HMOX2: variants seen among roughly 807,000 people sequenced by gnomAD.
HMOX2 encodes heme oxygenase (decycling) 2.
Under a neutral mutation model 33.7 loss-of-function variants are expected in HMOX2, and 30 were observed. That is an observed-to-expected ratio of 0.89 (90% CI 0.67 to 1.21). The LOEUF (loss-of-function observed/expected upper bound fraction) is 1.21. HMOX2 is among the 50% of genes most tolerant of loss of function. The probability of loss-of-function intolerance (pLI) is 0.00; values close to 1 mark genes in which losing one functional copy is unlikely to be tolerated. For synonymous variants in HMOX2, 155 were observed against 155.0 expected (o/e 1.00, Z 0.00); for missense variants, 403 against 399.1 (o/e 1.01, Z -0.08).
intron 1 of HMOX2, among the ~76,000 whole-genome samples, chr16:4,492,311 G>A (rs2058324490): frequency 6.6e-6 from 1 of 151,110 alleles, no homozygotes; most frequent in African/African-American, 2.4e-5. Context: ...TCCAGACACA[G>A]TAAAACCCTG....
chr16:4,508,290 C>A, intron 4 of HMOX2, 86 bp downstream of exon 4: 1 of 1,428,568 alleles, frequency 7.0e-7, no homozygotes, highest in Non-Finnish European at 9.6e-7. Context: ...TGAAGGCACA[C>A]ATGGCATTAG....
At chr16:4,498,061 CTTT>C (rs35332500) in intron 1 of HMOX2, among the ~76,000 whole-genome samples, 15 of 104,398 alleles carry the variant, frequency 1.4e-4, no homozygotes, top group African/African-American at 3.4e-4. Flanking sequence ...GATTCATTGT[CTTT>C]TTTTTTTTTT....
chr16:4,480,126 C>A (rs2057980651), intron 1 of HMOX2, among the ~76,000 whole-genome samples: 1 of 151,978 alleles, frequency 6.6e-6, no homozygotes, highest in Non-Finnish European at 1.5e-5. Flanking sequence ...GAGCTCACTG[C>A]AATCTCTGCC....
intron 1 of HMOX2, among the ~76,000 whole-genome samples, chr16:4,478,839 C>T (rs1417421771): frequency 6.6e-6 from 1 of 151,596 alleles, no homozygotes; most frequent in Non-Finnish European, 1.5e-5. Context: ...AGCTTTAACT[C>T]CTTGGAAAGG....
intron 1 of HMOX2, among the ~76,000 whole-genome samples, chr16:4,482,475 C>G (rs558270768): frequency 6.6e-6 from 1 of 152,268 alleles, no homozygotes; most frequent in African/African-American, 2.4e-5. Flanking sequence ...GTGCGGTGTC[C>G]TCTAAGTCAG....
intron 2 of HMOX2, among the ~76,000 whole-genome samples, chr16:4,506,329 A>G (rs1342663273): frequency 6.6e-6 from 1 of 151,834 alleles, no homozygotes; most frequent in African/African-American, 2.4e-5. Flanking sequence ...AAGCAGCACA[A>G]ACCCAGCGTC....
intron 4 of HMOX2, 124 bp downstream of exon 4, chr16:4,508,328 G>C: frequency 8.6e-7 from 1 of 1,168,484 alleles, no homozygotes; most frequent in Non-Finnish European, 1.2e-6. Flanking sequence ...GTGCCGAGAG[G>C]AAGGTGGCCA....
chr16:4,478,915 G>A (rs539018266), intron 1 of HMOX2, among the ~76,000 whole-genome samples: 1 of 152,322 alleles, frequency 6.6e-6, no homozygotes, highest in East Asian at 1.9e-4. Flanking sequence ...AGCACTTTGG[G>A]AGACCAAGGC....
chr16:4,485,088 C>A (rs2058133771), intron 1 of HMOX2, among the ~76,000 whole-genome samples: 4 of 152,028 alleles, frequency 2.6e-5, no homozygotes, highest in Non-Finnish European at 5.9e-5. Context: ...GCCTTAGCCT[C>A]CCGAGTAGCT....
At chr16:4,503,458 A>G (rs1222275911) in intron 1 of HMOX2, among the ~76,000 whole-genome samples, 1 of 152,172 alleles carries the variant, frequency 6.6e-6, no homozygotes, top group African/African-American at 2.4e-5. Context: ...CATCAGCATT[A>G]TTGCAGAGTA....
upstream of HMOX2, chr16:4,475,780 A>G (rs1596422012): frequency 6.6e-6 from 1 of 152,154 alleles, no homozygotes; most frequent in Non-Finnish European, 1.5e-5. Context: ...CTCTACTAAA[A>G]ATACAAAAAT....
At chr16:4,493,053 G>A (rs534367921) in intron 1 of HMOX2, among the ~76,000 whole-genome samples, 1 of 152,098 alleles carries the variant, frequency 6.6e-6, no homozygotes, top group Non-Finnish European at 1.5e-5. Context: ...TTGAGACAGA[G>A]TCTCGCTCTG....
rs892038708 is a variant in HMOX2, at chr16:4,482,754, G to A, written c.-42+6267G>A. 5.3e-5 allele frequency among the ~76,000 whole-genome samples: 8 copies of A among 152,138 alleles called. 1 individual carries two copies. The highest frequency in any genetic ancestry group is 4.1e-4 in the South Asian group (2 of 4,830). ...TTAAGAAGGATACAGATGGCTGGGC[G>A]TGCTGGTTCATGCCTGTAATCCCAG... is the stretch of plus-strand genomic sequence containing the variant. On this transcript the variant is annotated intron_variant, in intron 1 of 5. Transcript: ENST00000570646.
chr16:4,501,299 A>G (rs1422978617), intron 1 of HMOX2, among the ~76,000 whole-genome samples: 1 of 152,162 alleles, frequency 6.6e-6, no homozygotes, highest in Non-Finnish European at 1.5e-5. Flanking sequence ...ACTTTTGCAC[A>G]CAGTTATAGT....
At chr16:4,479,724 CTATTTTTTTTTTT>C (rs2057965269) in intron 1 of HMOX2, among the ~76,000 whole-genome samples, 2 of 93,892 alleles carry the variant, frequency 2.1e-5, no homozygotes, top group African/African-American at 8.8e-5. Context: ...TTTTCTTATT[CTATTTTTTTTTTT>C]TTTTTTTTTT....
chr16:4,505,533 G>A lies in HMOX2; in HGVS notation c.9G>A (p.Ala3=), dbSNP rs143511999. The A allele has an allele frequency of 1.3e-3, 2,152 of 1,605,982 alleles. 3 individuals are homozygous for A. Among genetic ancestry groups the A allele is most frequent in the Non-Finnish European group, 1.5e-3 (1,801 of 1,175,728 alleles). The change falls in exon 2 of 6, where the codon GCG becomes GCA. Residue 3 remains alanine, a synonymous_variant. Transcript: ENST00000570646. The stretch of plus-strand genomic sequence containing the variant: ...AACCACACCCAGCAGCAATGTCAGC[G>A]GAAGTGGAAACCTCAGAGGGGGTAG... The part of the protein sequence containing the change: MS[A]EVETSEGVDE...
At chr16:4,489,464 T>A (rs1206464885) in intron 1 of HMOX2, among the ~76,000 whole-genome samples, 1 of 152,112 alleles carries the variant, frequency 6.6e-6, no homozygotes, top group Admixed American at 6.6e-5. Flanking sequence ...TTATTTTATT[T>A]TTAAAAATTT....
intron 1 of HMOX2, among the ~76,000 whole-genome samples, chr16:4,480,667 T>G (rs2058001638): frequency 7.1e-6 from 1 of 140,562 alleles, no homozygotes; most frequent in African/African-American, 3.0e-5. Flanking sequence ...TTTTTTTTTT[T>G]TTGAGACAGA....
At chr16:4,508,565 TAGAG>T (rs2058752829) in intron 4 of HMOX2, among the ~76,000 whole-genome samples, 1 of 152,124 alleles carries the variant, frequency 6.6e-6, no homozygotes, top group African/African-American at 2.4e-5. Flanking sequence ...TATAAGTTAA[TAGAG>T]AGCCAGTGCC....
Sources: allele counts gnomAD v4.1 joint callset (sites outside exome capture counted in the v4.1 genomes callset), GRCh38; gene constraint gnomAD v4.1.1; transcripts MANE v1.5; gene names NCBI Gene and HGNC (gene_info 2026-07-23, HGNC 2026-07-21).